The following PHF21A variants were observed in gnomAD, a reference collection of about 807,000 sequenced individuals.
The protein encoded by PHF21A is PHD finger protein 21A, also known as BHC80a.
In PHF21A, 11 loss-of-function variants were observed where a neutral mutation model predicts 82.5. The ratio of observed to expected loss-of-function variants is 0.13; its 90% confidence interval spans 0.08 to 0.22. The LOEUF (loss-of-function observed/expected upper bound fraction) is 0.22, where lower values mean the gene tolerates loss of function less well. PHF21A is among the 10% of genes least tolerant of loss of function. PHF21A has a pLI of 1.00. For missense variants in PHF21A, 579 were observed against 837.8 expected, an observed-to-expected ratio of 0.69 and a Z score of 3.81; for synonymous variants, 297 against 302.8, an observed-to-expected ratio of 0.98 and a Z score of 0.20.
At chr11:45,985,375 T>C (rs1201190145) in intron 6 of PHF21A, among the ~76,000 whole-genome samples, 1 of 152,202 alleles carries the variant, frequency 6.6e-6, no homozygotes, top group East Asian at 1.9e-4. Context: ...TATTGTTTAA[T>C]GGAAACAGAA....
rs1050033069 is a variant in PHF21A, at chr11:45,950,190, G to A, written c.1147+16C>T. The A allele has an allele frequency of 3.2e-6, 5 of 1,583,706 alleles. No individual in the cohort carries two copies. The East Asian group carries it at 1.1e-4, about 36-fold the overall frequency. On this transcript the variant is annotated intron_variant, in intron 12 of 18. Coordinates refer to ENST00000676320, the MANE Select transcript of PHF21A (RefSeq NM_001352027.3). Reference sequence around the variant, plus strand: ...GGGCCAGAAAAAAAGGCAGTGCCAAGAATATCTTCTCTTACCTTCTAGATG... The same window carrying A: ...GGGCCAGAAAAAAAGGCAGTGCCAAAAATATCTTCTCTTACCTTCTAGATG...
intron 1 of PHF21A, chr11:46,116,967 A>G (rs1321802664): frequency 1.3e-5 from 2 of 152,234 alleles, no homozygotes; most frequent in African/African-American, 4.8e-5. Context: ...ACTCCGTCTC[A>G]AAAAATAAAA....
chr11:45,983,125 G>A (rs778571454), intron 6 of PHF21A, among the ~76,000 whole-genome samples: 13 of 152,274 alleles, frequency 8.5e-5, no homozygotes, highest in Middle Eastern at 6.8e-3. Flanking sequence ...CATATGGCTA[G>A]AGCAAGGTGA....
chr11:45,969,742 G>T, intron 9 of PHF21A, 73 bp downstream of exon 9: 1 of 989,692 alleles, frequency 1.0e-6, no homozygotes, highest in Non-Finnish European at 1.6e-6. Flanking sequence ...CCCATTACAG[G>T]CTACTTAGAA....
chr11:46,082,344 C>T (rs2096802155), intron 4 of PHF21A, among the ~76,000 whole-genome samples: 1 of 152,202 alleles, frequency 6.6e-6, no homozygotes, highest in Admixed American at 6.5e-5. Context: ...TGGTCTCAGC[C>T]TAGTAACCAA....
intron 1 of PHF21A, among the ~76,000 whole-genome samples, chr11:46,097,278 C>T (rs965681155): frequency 1.1e-4 from 16 of 152,136 alleles, no homozygotes; most frequent in African/African-American, 3.1e-4. Context: ...CATCATACTC[C>T]GAGAAAAGAT....
intron 11 of PHF21A, among the ~76,000 whole-genome samples, chr11:45,951,956 G>A (rs924054128): frequency 3.9e-5 from 6 of 152,094 alleles, no homozygotes; most frequent in East Asian, 1.9e-4. Flanking sequence ...ATAGGCACGC[G>A]CCACTGCATC....
chr11:46,022,362 G>A (rs1481608745), intron 6 of PHF21A, among the ~76,000 whole-genome samples: 7 of 152,180 alleles, frequency 4.6e-5, no homozygotes. Context: ...TGCTGAGGTA[G>A]GAGGATCACT....
intron 10 of PHF21A, among the ~76,000 whole-genome samples, chr11:45,958,989 C>G (rs546814977): frequency 6.6e-5 from 10 of 152,110 alleles, no homozygotes; most frequent in Non-Finnish European, 1.5e-4. Flanking sequence ...GAAAAACCCT[C>G]AACAACAACA....
At chr11:46,091,918 A>G (rs1469828758) in intron 2 of PHF21A, among the ~76,000 whole-genome samples, 2 of 152,190 alleles carry the variant, frequency 1.3e-5, no homozygotes, top group African/African-American at 4.8e-5. Context: ...CATTAAGGAC[A>G]TTTTTGGAAA....
intron 1 of PHF21A, among the ~76,000 whole-genome samples, chr11:46,112,834 A>T (rs1262898461): frequency 6.6e-6 from 1 of 152,246 alleles, no homozygotes; most frequent in Non-Finnish European, 1.5e-5. Flanking sequence ...GAATGATGCC[A>T]TAATTATAAA....
At chr11:45,980,887 G>A (rs1044496115) in intron 6 of PHF21A, among the ~76,000 whole-genome samples, 4 of 152,120 alleles carry the variant, frequency 2.6e-5, no homozygotes, top group Non-Finnish European at 5.9e-5. Context: ...GTTCTGTGGC[G>A]GTACACACGT....
intron 1 of PHF21A, among the ~76,000 whole-genome samples, chr11:46,101,238 G>A (rs2135732949): frequency 6.6e-6 from 1 of 152,298 alleles, no homozygotes; most frequent in East Asian, 1.9e-4. Flanking sequence ...AGTTAGTGGT[G>A]GCTCAGACAT....
intron 12 of PHF21A, among the ~76,000 whole-genome samples, chr11:45,949,757 G>A (rs1312711206): frequency 6.6e-6 from 1 of 152,216 alleles, no homozygotes; most frequent in Non-Finnish European, 1.5e-5. Context: ...TTTTTAGACT[G>A]CTGTATATAT....
intron 6 of PHF21A, among the ~76,000 whole-genome samples, chr11:46,032,371 T>C (rs774737096): frequency 2.0e-5 from 3 of 152,220 alleles, no homozygotes; most frequent in Non-Finnish European, 4.4e-5. Context: ...CATAGTGTGC[T>C]ACCATGTCCT....
intron 6 of PHF21A, among the ~76,000 whole-genome samples, chr11:45,994,348 G>A (rs2094828745): frequency 6.6e-6 from 1 of 152,128 alleles, no homozygotes; most frequent in Non-Finnish European, 1.5e-5. Flanking sequence ...GTAGCTATTT[G>A]TCTTTTGAAA....
At chr11:46,030,413 A>G (rs1034608166) in intron 6 of PHF21A, among the ~76,000 whole-genome samples, 1 of 152,220 alleles carries the variant, frequency 6.6e-6, no homozygotes, top group Non-Finnish European at 1.5e-5. Context: ...GTCTTCTAAT[A>G]TTATGATCAA....
intron 6 of PHF21A, among the ~76,000 whole-genome samples, chr11:45,992,973 T>C (rs547525519): frequency 6.6e-5 from 10 of 152,142 alleles, no homozygotes; most frequent in Non-Finnish European, 1.2e-4. Context: ...AGCTGTAGAG[T>C]AGAGGTCAGA....
chr11:46,061,918 T>G (rs1299218492), intron 6 of PHF21A, among the ~76,000 whole-genome samples: 1 of 152,190 alleles, frequency 6.6e-6, no homozygotes, highest in Non-Finnish European at 1.5e-5. Context: ...AATGTCTCTA[T>G]TCTATCCCCG....
Sources: gnomAD v4.1 joint callset for allele counts (sites outside exome capture counted in the v4.1 genomes callset) on GRCh38, gnomAD v4.1.1 for gene constraint, MANE v1.5 for transcripts, NCBI Gene and HGNC (gene_info 2026-07-23, HGNC 2026-07-21) for gene names.